Variants in FGFR2 observed in about 807,000 individuals in gnomAD.
The protein encoded by FGFR2 is BEK fibroblast growth factor receptor.
Under a neutral mutation model 95.9 loss-of-function variants are expected in FGFR2, and 19 were observed. That is an observed-to-expected ratio of 0.20 (90% CI 0.14 to 0.29). The LOEUF (loss-of-function observed/expected upper bound fraction) is 0.29. FGFR2 is among the 10% of genes least tolerant of loss of function. The pLI is 1.00. For missense variants in FGFR2, 707 were observed against 1,056.9 expected, an observed-to-expected ratio of 0.67 and a Z score of 4.59; for synonymous variants, 392 against 393.3, an observed-to-expected ratio of 1.00 and a Z score of 0.04.
At chr10:121,520,300 G>T in intron 6 of FGFR2, 131 bp from the exon 7 acceptor site, 10 of 857,788 alleles carry the variant, frequency 1.2e-5, no homozygotes, top group East Asian at 5.5e-5. Context: ...TGACACCTTT[G>T]AAATAACACT....
At chr10:121,562,175 C>T (rs1403274057) in intron 4 of FGFR2, among the ~76,000 whole-genome samples, 1 of 152,196 alleles carries the variant, frequency 6.6e-6, no homozygotes, top group African/African-American at 2.4e-5. Context: ...AATCACACTC[C>T]TTAACATTTA....
intron 6 of FGFR2, among the ~76,000 whole-genome samples, chr10:121,533,445 C>T (rs567108872): frequency 6.6e-6 from 1 of 152,238 alleles, no homozygotes; most frequent in East Asian, 1.9e-4. Context: ...ACCAGAGGCA[C>T]CATTTCCACT....
At chr10:121,577,158 A>AAAAAAT (rs1554858932) in intron 2 of FGFR2, among the ~76,000 whole-genome samples, 1 of 13,962 alleles carries the variant, frequency 7.2e-5, no homozygotes, top group African/African-American at 2.7e-4. Context: ...AAAAAAAAAA[A>AAAAAAT]ATATATATAT....
chr10:121,480,104 C>A (rs2133689772), intron 17 of FGFR2, 83 bp from the exon 18 acceptor site: 1 of 1,300,292 alleles, frequency 7.7e-7, no homozygotes, highest in East Asian at 2.3e-5. Context: ...TGACTGAGGT[C>A]CAAGTATTCC....
chr10:121,558,261 G>A (rs1228999399), intron 4 of FGFR2, among the ~76,000 whole-genome samples: 1 of 152,188 alleles, frequency 6.6e-6, no homozygotes, highest in Non-Finnish European at 1.5e-5. Flanking sequence ...TTTTCTATGC[G>A]AAAGGATAAA....
In FGFR2 at chr10:121,588,349, C is replaced by T. The variant is rs114302644; in HGVS notation, c.109+5360G>A. On this transcript the variant is annotated intron_variant, in intron 2 of 17. Transcript: ENST00000358487. ...ATCTGTACAACGAACCCCCATGACA[C>T]GAGTTTACCTACATAACAAACCTTC... 7.5e-3 allele frequency among the ~76,000 whole-genome samples: 1,146 copies of T among 151,818 alleles called. 13 individuals carry two copies. The highest frequency in any genetic ancestry group is 0.022 in the African/African-American group (894 of 41,374).
At chr10:121,513,208 T>C (rs1849282524) in intron 9 of FGFR2, among the ~76,000 whole-genome samples, 1 of 152,194 alleles carries the variant, frequency 6.6e-6, no homozygotes. Flanking sequence ...ATATAAATGG[T>C]ATTGCATGTG....
Position 121,565,552 on chromosome 10 carries a change from T to C in FGFR2, c.262A>G (p.Ile88Val). 6.2e-7 allele frequency: 1 copy of C among 1,614,050 alleles called. No homozygotes were observed. Among genetic ancestry groups the C allele is most frequent in the East Asian group, 2.2e-5 (1 of 44,890 alleles). Residue 88 changes from isoleucine to valine, a missense_variant, in exon 3 of 18, where the codon ATT becomes GTT. By Grantham distance (29) the Ile-to-Val change is conservative (BLOSUM62 3). Transcript: ENST00000358487. ...HLGPNNRTVL[I>V]GEYLQIKGAT... ...CCCTTTATCTGCAAGTACTCCCCAA[T>C]AAGCACTGTCCTATTGTTGGGCCCC...
chr10:121,555,174 A>C (rs1855958446), intron 4 of FGFR2, among the ~76,000 whole-genome samples: 1 of 152,166 alleles, frequency 6.6e-6, no homozygotes, highest in Admixed American at 6.5e-5. Context: ...GGAGTCCGAG[A>C]CCAGCCTGAC....
intron 4 of FGFR2, among the ~76,000 whole-genome samples, chr10:121,555,849 T>G (rs1185720158): frequency 6.6e-6 from 1 of 152,200 alleles, no homozygotes; most frequent in Non-Finnish European, 1.5e-5. Context: ...TCTTTTAAGA[T>G]GCAATGAGTT....
intron 13 of FGFR2, among the ~76,000 whole-genome samples, chr10:121,494,040 C>T (rs1846467221): frequency 6.6e-6 from 1 of 151,778 alleles, no homozygotes; most frequent in African/African-American, 2.4e-5. Flanking sequence ...ACCCAACAGA[C>T]CCTAGCCCAA....
At chr10:121,496,192 A>G (rs1378779381) in intron 13 of FGFR2, among the ~76,000 whole-genome samples, 1 of 152,108 alleles carries the variant, frequency 6.6e-6, no homozygotes, top group Non-Finnish European at 1.5e-5. Context: ...TAAGAAAAAA[A>G]AAAAAGAAAG....
intron 5 of FGFR2, among the ~76,000 whole-genome samples, chr10:121,539,073 G>C (rs1326720267): frequency 1.3e-5 from 2 of 152,230 alleles, no homozygotes; most frequent in Non-Finnish European, 2.9e-5. Flanking sequence ...CGAGCTACCA[G>C]TTTGCCCATC....
At chr10:121,499,025 C>G (rs1847246898) in intron 11 of FGFR2, among the ~76,000 whole-genome samples, 2 of 152,172 alleles carry the variant, frequency 1.3e-5, no homozygotes, top group African/African-American at 4.8e-5. Context: ...GCATTCTTAA[C>G]CCAGCCCCTC....
At position 121,531,834 on chromosome 10, in the gene FGFR2, C is replaced by T. The variant is rs1852116049; in HGVS notation, c.748+6758G>A. On this transcript the variant is annotated intron_variant, in intron 6 of 17. Transcript: ENST00000358487. The surrounding 1 kb of genome is among the most constrained non-coding windows in gnomAD (Gnocchi z 4.5). ...AGAGACCCTTAGGGGTTGTCTGTGACAGCGATGGTTTATAAGAACAGGATG... is the reference window on the plus strand; with the variant it reads ...AGAGACCCTTAGGGGTTGTCTGTGATAGCGATGGTTTATAAGAACAGGATG... Among the ~76,000 whole-genome samples, 1 of 152,152 alleles carries T rather than the reference C, an allele frequency of 6.6e-6. No homozygotes were observed. The highest frequency in any genetic ancestry group is 2.4e-5 in the African/African-American group (1 of 41,446).
At position 121,479,254 on chromosome 10, in the gene FGFR2, G is replaced by T. The variant is rs557758000; in HGVS notation, c.*603C>A. The stretch of plus-strand genomic sequence containing the variant: ...ATTACCAATTTATTAATAAATTAAC[G>T]TTATACCATTTTCCCTGAAAGCAAA... On this transcript the variant is annotated 3_prime_UTR_variant, in exon 18 of 18. Coordinates refer to ENST00000358487, the MANE Select transcript of FGFR2 (RefSeq NM_000141.5). The T allele has an allele frequency of 8.5e-6, 2 of 236,672 alleles. No individual in the cohort carries two copies. The highest frequency in any genetic ancestry group is 1.7e-5 in the Non-Finnish European group (2 of 120,812). 14.7% of individuals were successfully genotyped at this position (236,672 alleles called of 1,614,324 possible). A position where few individuals can be genotyped will look rare whatever the true frequency, so the allele number is the denominator to read the frequency against.
chr10:121,512,737 C>A (rs1432711792), intron 9 of FGFR2, among the ~76,000 whole-genome samples: 1 of 151,990 alleles, frequency 6.6e-6, no homozygotes, highest in Non-Finnish European at 1.5e-5. Context: ...TACATGTAAC[C>A]TGATTTATAC....
intron 5 of FGFR2, among the ~76,000 whole-genome samples, chr10:121,540,425 T>C (rs1853536968): frequency 6.6e-6 from 1 of 152,188 alleles, no homozygotes; most frequent in Non-Finnish European, 1.5e-5. Context: ...GCACCTTCCA[T>C]GCAGAATGTG....
chr10:121,564,968 A>G (rs888464243), intron 3 of FGFR2, among the ~76,000 whole-genome samples: 1 of 152,174 alleles, frequency 6.6e-6, no homozygotes, highest in African/African-American at 2.4e-5. Flanking sequence ...GATCCCTAAC[A>G]AAACTCAGTC....
Sources: allele counts gnomAD v4.1 joint callset (sites outside exome capture counted in the v4.1 genomes callset), GRCh38; gene constraint gnomAD v4.1.1; non-coding constraint Gnocchi (gnomAD v3.1); transcripts MANE v1.5; gene names NCBI Gene and HGNC (gene_info 2026-07-23, HGNC 2026-07-21).